PLCB4: variants seen among roughly 807,000 people sequenced by gnomAD.
PLCB4 encodes the protein phospholipase C beta 4.
In PLCB4, 77 loss-of-function variants were observed where a neutral mutation model predicts 178.8. The observed-to-expected ratio is 0.43, with a 90% CI of 0.36 to 0.52. The LOEUF is 0.52. Among genes scored for constraint, PLCB4 ranks in the 20% least tolerant of loss-of-function variants. The pLI is 0.00. For synonymous variants in PLCB4, 496 were observed against 490.8 expected (o/e 1.01, Z -0.14); for missense variants, 1,024 against 1,453.4 (o/e 0.70, Z 4.80).
intron 4 of PLCB4, among the ~76,000 whole-genome samples, chr20:9,317,853 CTT>C (rs970214718): frequency 4.0e-4 from 61 of 152,334 alleles, no homozygotes; most frequent in African/African-American, 1.3e-3. Flanking sequence ...AATCCCAACA[CTT>C]TGGGAGGCAA....
chr20:9,127,990 A>G lies in PLCB4; in HGVS notation c.-79+31648A>G, dbSNP rs532642071. On this transcript the variant is annotated intron_variant, in intron 2 of 39. Transcript: ENST00000378473. ...ACGTGAGACACCACGCCCGGCCCAT[A>G]TTTTTGATATGATATAGTTTGGATG... is the stretch of plus-strand genomic sequence containing the variant. Among the ~76,000 whole-genome samples, 5 of 151,894 alleles carry G rather than the reference A, an allele frequency of 3.3e-5. 1 individual carries two copies. The highest frequency in any genetic ancestry group is 6.6e-5 in the Admixed American group (1 of 15,238).
intron 38 of PLCB4, among the ~76,000 whole-genome samples, chr20:9,475,892 A>C (rs950537834): frequency 6.6e-6 from 1 of 152,250 alleles, no homozygotes; most frequent in African/African-American, 2.4e-5. Context: ...ACATTTCATC[A>C]GCAAGAACAG....
At chr20:9,083,147 A>G (rs946805948) in intron 1 of PLCB4, among the ~76,000 whole-genome samples, 1 of 152,220 alleles carries the variant, frequency 6.6e-6, no homozygotes, top group Non-Finnish European at 1.5e-5. Flanking sequence ...CAATAATTAC[A>G]TGGAAGGTAT....
chr20:9,307,488 AAAG>A (rs2094782225), intron 3 of PLCB4, among the ~76,000 whole-genome samples: 1 of 131,842 alleles, frequency 7.6e-6, no homozygotes, highest in East Asian at 2.2e-4. Context: ...GATTTTAAAA[AAAG>A]AATACACACA....
At chr20:9,262,653 C>G (rs1361676672) in intron 3 of PLCB4, among the ~76,000 whole-genome samples, 1 of 152,146 alleles carries the variant, frequency 6.6e-6, no homozygotes, top group African/African-American at 2.4e-5. Flanking sequence ...TGGTTTTTCA[C>G]AGGAAGCTCC....
chr20:9,469,519 T>C (rs536161230), intron 36 of PLCB4, among the ~76,000 whole-genome samples: 1 of 152,304 alleles, frequency 6.6e-6, no homozygotes, highest in South Asian at 2.1e-4. Flanking sequence ...AGGCAGGAAT[T>C]GATGTGCTTG....
intron 27 of PLCB4, 94 bp from the exon 28 acceptor site, chr20:9,423,654 T>A: frequency 3.2e-6 from 3 of 931,344 alleles, no homozygotes; most frequent in Non-Finnish European, 5.1e-6. Context: ...CAGGGAACAT[T>A]TAAGAACAGC....
At chr20:9,463,128 A>G (rs1406784447) in intron 35 of PLCB4, among the ~76,000 whole-genome samples, 2 of 152,202 alleles carry the variant, frequency 1.3e-5, no homozygotes, top group Non-Finnish European at 2.9e-5. Flanking sequence ...TTCTTAAAGA[A>G]AGGATTTTCA....
chr20:9,191,617 C>T (rs2093405321), intron 2 of PLCB4, among the ~76,000 whole-genome samples: 1 of 152,056 alleles, frequency 6.6e-6, no homozygotes, highest in Non-Finnish European at 1.5e-5. Context: ...GCTATTTCTC[C>T]ATCTGTCCTG....
chr20:9,325,705 A>G (rs1025668915), intron 4 of PLCB4, among the ~76,000 whole-genome samples: 2 of 152,242 alleles, frequency 1.3e-5, no homozygotes, highest in Admixed American at 6.5e-5. Context: ...ATTAGTGACC[A>G]TAAAGTCAAT....
chr20:9,070,987 A>T (rs1296170228), intron 1 of PLCB4, among the ~76,000 whole-genome samples: 1 of 152,212 alleles, frequency 6.6e-6, no homozygotes, highest in Admixed American at 6.5e-5. Context: ...ATACCCACGC[A>T]GAAAGCTTTG....
intron 4 of PLCB4, among the ~76,000 whole-genome samples, chr20:9,324,895 A>T (rs2030189602): frequency 6.6e-6 from 1 of 152,240 alleles, no homozygotes; most frequent in African/African-American, 2.4e-5. Context: ...CATTATTTAA[A>T]TGAGAAATGC....
intron 2 of PLCB4, among the ~76,000 whole-genome samples, chr20:9,203,054 A>ATAT (rs1381757895): frequency 1.7e-4 from 22 of 127,412 alleles, no homozygotes; most frequent in African/African-American, 6.5e-4. Context: ...AAAAAAAAAA[A>ATAT]AAATATATAT....
intron 26 of PLCB4, among the ~76,000 whole-genome samples, chr20:9,420,396 G>A (rs2040547652): frequency 6.6e-6 from 1 of 151,888 alleles, no homozygotes; most frequent in Non-Finnish European, 1.5e-5. Flanking sequence ...GGAGTGCAGT[G>A]GCACAATCTC....
intron 2 of PLCB4, among the ~76,000 whole-genome samples, chr20:9,117,084 C>A (rs1429601997): frequency 1.3e-5 from 2 of 152,148 alleles, no homozygotes; most frequent in African/African-American, 4.8e-5. Flanking sequence ...TCTACAGATT[C>A]ATTTGGATTT....
rs927600853 is a variant in PLCB4 at position 9,130,673 on chromosome 20, T to G, written c.-79+34331T>G. ...TCTCCTTAAGTTAGGAACAAACTTA[T>G]CTGATTTCATATACTGGAGGTTGGA... On this transcript the variant is annotated intron_variant, in intron 2 of 39. Coordinates refer to ENST00000378473, the MANE Select transcript of PLCB4 (RefSeq NM_001377142.1). Among the ~76,000 whole-genome samples, 2 of 152,220 alleles carry G rather than the reference T, an allele frequency of 1.3e-5. 1 individual carries two copies. Among genetic ancestry groups the G allele is most frequent in the Middle Eastern group, 6.3e-3 (2 of 316 alleles).
At chr20:9,372,466 A>T in intron 11 of PLCB4, 63 bp downstream of exon 11, 1 of 808,976 alleles carries the variant, frequency 1.2e-6, no homozygotes, top group Non-Finnish European at 2.1e-6. Flanking sequence ...GATTTTTTAA[A>T]ACGTTTTTGT....
chr20:9,073,718 G>C (rs2089683902), intron 1 of PLCB4, among the ~76,000 whole-genome samples: 1 of 151,836 alleles, frequency 6.6e-6, no homozygotes, highest in Non-Finnish European at 1.5e-5. Flanking sequence ...ATCAATTTAT[G>C]CAAAAAATAC....
chr20:9,365,575 A>G (rs541271998), intron 9 of PLCB4, 61 bp downstream of exon 9: 2 of 930,566 alleles, frequency 2.1e-6, no homozygotes, highest in Admixed American at 1.9e-5. Context: ...TCCCAAACCA[A>G]AGAGAGAACC....
Sources: allele counts gnomAD v4.1 joint callset (sites outside exome capture counted in the v4.1 genomes callset), GRCh38; gene constraint gnomAD v4.1.1; transcripts MANE v1.5; gene names NCBI Gene and HGNC (gene_info 2026-07-23, HGNC 2026-07-21).